The following LRRTM4 variants were observed in gnomAD, a reference collection of about 807,000 sequenced individuals.
LRRTM4 encodes leucine-rich repeat transmembrane neuronal protein 4.
Under a neutral mutation model 47.6 loss-of-function variants are expected in LRRTM4, and 25 were observed. The ratio of observed to expected loss-of-function variants is 0.53; its 90% CI spans 0.38 to 0.73. The LOEUF is 0.73. Ranked by LOEUF, LRRTM4 falls within the 30% of genes least tolerant of loss-of-function variation. The probability of loss-of-function intolerance (pLI) is 0.00; values close to 1 mark genes in which losing one functional copy is unlikely to be tolerated. For missense variants in LRRTM4, 638 were observed against 713.4 expected, an observed-to-expected ratio of 0.89 and a Z score of 1.20; for synonymous variants, 311 against 269.5, an observed-to-expected ratio of 1.15 and a Z score of -1.51.
At chr2:77,510,741 CTTAG>C (rs754776327) in intron 3 of LRRTM4, among the ~76,000 whole-genome samples, 13 of 152,010 alleles carry the variant, frequency 8.6e-5, no homozygotes, top group South Asian at 2.1e-4. Context: ...CCATGTTTAT[CTTAG>C]TTTGTCTGCT....
At chr2:76,776,594 T>G (rs1674007303) in intron 3 of LRRTM4, among the ~76,000 whole-genome samples, 1 of 152,216 alleles carries the variant, frequency 6.6e-6, no homozygotes, top group Non-Finnish European at 1.5e-5. Context: ...TGCCCACTTT[T>G]TGATAGGGTT....
At chr2:76,902,346 T>C (rs920105094) in intron 3 of LRRTM4, among the ~76,000 whole-genome samples, 1 of 152,124 alleles carries the variant, frequency 6.6e-6, no homozygotes, top group African/African-American at 2.4e-5. Context: ...ATAACCATGA[T>C]TTAAAAAAAA....
chr2:76,800,798 TG>T (rs1319826533), intron 3 of LRRTM4, among the ~76,000 whole-genome samples: 1 of 146,180 alleles, frequency 6.8e-6, no homozygotes. Flanking sequence ...GCGAAGGACA[TG>T]AACAGACACT....
chr2:76,873,503 T>TAC (rs1672690685), intron 3 of LRRTM4, among the ~76,000 whole-genome samples: 4 of 95,964 alleles, frequency 4.2e-5, no homozygotes, highest in East Asian at 4.4e-4. Flanking sequence ...TATATATATG[T>TAC]GTGTATATAT....
At chr2:77,014,645 T>G (rs1573452825) in intron 3 of LRRTM4, among the ~76,000 whole-genome samples, 1 of 151,404 alleles carries the variant, frequency 6.6e-6, no homozygotes, top group East Asian at 2.0e-4. Context: ...AACCCTGTCT[T>G]TACTAAAAAT....
intron 3 of LRRTM4, among the ~76,000 whole-genome samples, chr2:77,230,087 C>A (rs914328010): frequency 6.6e-6 from 1 of 152,040 alleles, no homozygotes. Context: ...TTTATTGACA[C>A]ATAAAAGGTA....
rs890895759 is a variant in LRRTM4, at chr2:77,207,099, T to G, written c.1551+311219A>C. 2.0e-5 allele frequency among the ~76,000 whole-genome samples: 3 copies of G among 148,946 alleles called. No individual in the cohort carries two copies. In the Admixed American group the frequency reaches 2.0e-4, roughly 10 times the overall value. Reference sequence around the variant, plus strand: ...GTGACTTATTCTTCTTTCTTTTGTTTGTAACCAACTGAAATTTAAAGAAAC... The same window carrying G: ...GTGACTTATTCTTCTTTCTTTTGTTGGTAACCAACTGAAATTTAAAGAAAC... On this transcript the variant is annotated intron_variant, in intron 3 of 3. Coordinates refer to ENST00000409884, the MANE Select transcript of LRRTM4 (RefSeq NM_001134745.3).
chr2:77,516,404 AGT>A (rs2104117199), intron 3 of LRRTM4, among the ~76,000 whole-genome samples: 1 of 151,936 alleles, frequency 6.6e-6, no homozygotes, highest in South Asian at 2.1e-4. Flanking sequence ...TTAGAACCCC[AGT>A]TCTCAAATCC....
At chr2:77,257,848 C>A (rs1229716055) in intron 3 of LRRTM4, among the ~76,000 whole-genome samples, 1 of 151,476 alleles carries the variant, frequency 6.6e-6, no homozygotes, top group Non-Finnish European at 1.5e-5. Context: ...ATAGCAATAC[C>A]CATAAGGGAA....
At chr2:76,972,990 A>G (rs976500208) in intron 3 of LRRTM4, among the ~76,000 whole-genome samples, 13 of 152,104 alleles carry the variant, frequency 8.5e-5, no homozygotes, top group Admixed American at 2.0e-4. Context: ...TATTTTTATC[A>G]ATATTTTAAA....
At chr2:76,849,267 GCTTT>G (rs1451364077) in intron 3 of LRRTM4, among the ~76,000 whole-genome samples, 1 of 151,994 alleles carries the variant, frequency 6.6e-6, no homozygotes, top group African/African-American at 2.4e-5. Context: ...CTTCTCCAAG[GCTTT>G]CTGTTTTTGT....
chr2:76,873,520 A>ATACATATATATATATATATG (rs1672695673), intron 3 of LRRTM4, among the ~76,000 whole-genome samples: 4 of 143,568 alleles, frequency 2.8e-5, no homozygotes, highest in Non-Finnish European at 6.0e-5. Context: ...ATATATATAT[A>ATACATATATATATATATATG]TATATATATA....
At chr2:76,928,540 G>A (rs1370944290) in intron 3 of LRRTM4, among the ~76,000 whole-genome samples, 1 of 152,062 alleles carries the variant, frequency 6.6e-6, no homozygotes, top group African/African-American at 2.4e-5. Context: ...AACATTGAGG[G>A]CAAATATGGG....
At chr2:77,494,648 T>A (rs1306501857) in intron 3 of LRRTM4, among the ~76,000 whole-genome samples, 2 of 152,088 alleles carry the variant, frequency 1.3e-5, no homozygotes, top group Admixed American at 1.3e-4. Context: ...ATTTATGGAA[T>A]TATAATTGAT....
chr2:76,836,582 C>CA, intron 3 of LRRTM4, among the ~76,000 whole-genome samples: 1 of 151,518 alleles, frequency 6.6e-6, no homozygotes, highest in East Asian at 1.9e-4. Context: ...AGTTAATGAA[C>CA]AGTTATACAA....
intron 3 of LRRTM4, among the ~76,000 whole-genome samples, chr2:76,785,356 G>C (rs1204522884): frequency 1.3e-5 from 2 of 152,052 alleles, no homozygotes; most frequent in East Asian, 3.8e-4. Flanking sequence ...GCAAAATAGA[G>C]CATCAACTTA....
chr2:76,795,807 G>T (rs1675270695), intron 3 of LRRTM4, among the ~76,000 whole-genome samples: 1 of 151,984 alleles, frequency 6.6e-6, no homozygotes, highest in Admixed American at 6.5e-5. Flanking sequence ...AAAGTGAAGG[G>T]AGGAGCCAAG....
At chr2:76,878,973 C>T (rs1311771382) in intron 3 of LRRTM4, among the ~76,000 whole-genome samples, 1 of 152,132 alleles carries the variant, frequency 6.6e-6, no homozygotes, top group African/African-American at 2.4e-5. Context: ...CAGCAAGTCC[C>T]TAAATCTCTT....
chr2:76,990,823 C>G (rs1489648143), intron 3 of LRRTM4, among the ~76,000 whole-genome samples: 1 of 151,618 alleles, frequency 6.6e-6, no homozygotes, highest in Admixed American at 6.6e-5. Flanking sequence ...CAGACTATTG[C>G]ACCCATCAAT....
Sources: allele counts gnomAD v4.1 joint callset (sites outside exome capture counted in the v4.1 genomes callset), GRCh38; gene constraint gnomAD v4.1.1; transcripts MANE v1.5; gene names NCBI Gene and HGNC (gene_info 2026-07-23, HGNC 2026-07-21).